The following LEKR1 variants were observed in gnomAD, a reference collection of about 807,000 sequenced individuals.
LEKR1 encodes protein LEKR1.
LEKR1 carries 59 observed loss-of-function variants against 72.4 expected under a neutral mutation model. That is an observed-to-expected ratio of 0.82 (90% CI 0.66 to 1.01). The LOEUF is 1.01. Among genes scored for constraint, LEKR1 ranks in the 50% least tolerant of loss-of-function variants. LEKR1 has a pLI of 0.00. For missense variants in LEKR1, 728 were observed against 759.2 expected (o/e 0.96, Z 0.48); for synonymous variants, 257 against 263.2 (o/e 0.98, Z 0.23).
At chr3:156,840,775 C>T (rs1441922606) in intron 2 of LEKR1, among the ~76,000 whole-genome samples, 1 of 152,194 alleles carries the variant, frequency 6.6e-6, no homozygotes, top group Admixed American at 6.5e-5. Flanking sequence ...TAAATCATTA[C>T]ATTCAATTAT....
intron 12 of LEKR1, among the ~76,000 whole-genome samples, chr3:157,028,843 T>C (rs1734396612): frequency 6.6e-6 from 1 of 152,236 alleles, no homozygotes; most frequent in African/African-American, 2.4e-5. Flanking sequence ...CCTATCAATG[T>C]AAACTTATAA....
rs139966772 is a variant in LEKR1, at chr3:156,861,765, A to G, written c.263+8783A>G. 4.7e-3 allele frequency among the ~76,000 whole-genome samples: 720 copies of G among 152,180 alleles called. 11 individuals are homozygous for G. Among genetic ancestry groups the G allele is most frequent in the Non-Finnish European group, 2.4e-3 (166 of 67,968 alleles). ...AGATGTGTAAGTATGAATTTATTAC[A>G]TTGATGTTTGTGCTATGCATTACTT... On this transcript the variant is annotated intron_variant, in intron 3 of 12. Transcript: ENST00000356539.
At chr3:156,836,225 A>G (rs9855517) in intron 2 of LEKR1, among the ~76,000 whole-genome samples, 4,413 of 152,152 alleles carry the variant, frequency 0.029, 223 homozygotes, top group African/African-American at 0.1. Flanking sequence ...GGATAATGTA[A>G]TGCAAAACAG....
At position 156,879,392 on chromosome 3, in the gene LEKR1, A is replaced by C. The variant is rs543241203; in HGVS notation, c.263+26410A>C. The stretch of plus-strand genomic sequence containing the variant: ...TTTGAACTTCAGGGATATGATTTAG[A>C]GTATCTGGTGGAAGAAATTTCTAAG... On this transcript the variant is annotated intron_variant, in intron 3 of 12. Transcript: ENST00000356539. Among the ~76,000 whole-genome samples, 6 of 152,280 alleles carry C rather than the reference A, an allele frequency of 3.9e-5. No individual in the cohort carries two copies. In the East Asian group the frequency reaches 1.2e-3, roughly 29 times the overall value.
rs1219705662 is a variant in LEKR1, at chr3:156,979,290, A to G, written c.827+15A>G. Reference sequence around the variant, plus strand: ...GAAATGCTTATGTAAGATGGAGAATATTAAACAACTTATAACAGTGCTCTG... The same window carrying G: ...GAAATGCTTATGTAAGATGGAGAATGTTAAACAACTTATAACAGTGCTCTG... On this transcript the variant is annotated intron_variant, in intron 7 of 12. Coordinates refer to ENST00000356539, the MANE Select transcript of LEKR1 (RefSeq NM_001004316.3). The G allele has an allele frequency of 1.7e-6, 2 of 1,195,194 alleles. No homozygotes were observed. The highest frequency in any genetic ancestry group is 2.3e-5 in the Admixed American group (1 of 43,270). The allele number at this position is 1,195,194 out of a possible 1,614,324, so 74.0% of individuals were successfully genotyped here. A position where few individuals can be genotyped will look rare whatever the true frequency, so the allele number is the denominator to read the frequency against.
At chr3:156,941,721 A>C in intron 5 of LEKR1, among the ~76,000 whole-genome samples, 1 of 152,048 alleles carries the variant, frequency 6.6e-6, no homozygotes, top group Non-Finnish European at 1.5e-5. Flanking sequence ...TGGTTGTACA[A>C]ATTTCATAGC....
chr3:156,901,398 A>T (rs62275256), intron 3 of LEKR1, among the ~76,000 whole-genome samples: 4,840 of 151,984 alleles, frequency 0.032, 116 homozygotes, highest in Non-Finnish European at 0.048. Context: ...ATTGTTTTAC[A>T]CTCTTCATAC....
chr3:157,010,770 A>G (rs1186778555), intron 9 of LEKR1, among the ~76,000 whole-genome samples: 1 of 152,050 alleles, frequency 6.6e-6, no homozygotes, highest in Non-Finnish European at 1.5e-5. Context: ...CCTTACTTCC[A>G]TCCAGAGGAT....
chr3:156,974,244 CATAAT>C (rs1245199908), intron 6 of LEKR1, among the ~76,000 whole-genome samples: 1 of 152,104 alleles, frequency 6.6e-6, no homozygotes, highest in Non-Finnish European at 1.5e-5. Context: ...TCTCAAAAAA[CATAAT>C]ATTGACTAAA....
chr3:156,909,105 G>A (rs62275764), intron 3 of LEKR1, among the ~76,000 whole-genome samples: 4,838 of 152,140 alleles, frequency 0.032, 117 homozygotes, highest in Non-Finnish European at 0.048. Context: ...CTCGTTGCCG[G>A]CCACCATGTA....
intron 3 of LEKR1, among the ~76,000 whole-genome samples, chr3:156,909,134 C>T (rs1305579441): frequency 1.3e-5 from 2 of 152,156 alleles, no homozygotes; most frequent in Non-Finnish European, 2.9e-5. Flanking sequence ...CTTTGCTCTG[C>T]CTTCATCTTC....
intron 2 of LEKR1, among the ~76,000 whole-genome samples, chr3:156,849,505 C>T (rs1303669235): frequency 6.6e-6 from 1 of 150,674 alleles, no homozygotes; most frequent in South Asian, 2.1e-4. Context: ...TGACTTCAAA[C>T]TATACTACAA....
At chr3:156,904,272 GATTTT>G (rs1257657205) in intron 3 of LEKR1, among the ~76,000 whole-genome samples, 2 of 151,926 alleles carry the variant, frequency 1.3e-5, no homozygotes, top group Non-Finnish European at 2.9e-5. Context: ...TAAACAACAT[GATTTT>G]ATTAAGAACA....
intron 3 of LEKR1, among the ~76,000 whole-genome samples, chr3:156,871,287 C>T (rs1717912420): frequency 6.6e-6 from 1 of 152,114 alleles, no homozygotes; most frequent in Non-Finnish European, 1.5e-5. Flanking sequence ...GACATGAACT[C>T]ATCATTTTTT....
At chr3:156,883,029 C>T (rs1359592020) in intron 3 of LEKR1, among the ~76,000 whole-genome samples, 1 of 152,038 alleles carries the variant, frequency 6.6e-6, no homozygotes, top group Non-Finnish European at 1.5e-5. Flanking sequence ...GGAGAGATAG[C>T]ATTGGGATAT....
intron 3 of LEKR1, among the ~76,000 whole-genome samples, chr3:156,891,025 A>AT (rs1346660643): frequency 7.1e-6 from 1 of 140,852 alleles, no homozygotes; most frequent in Non-Finnish European, 1.5e-5. Flanking sequence ...ATGGCCGGCT[A>AT]ATTTTTTTTT....
intron 6 of LEKR1, among the ~76,000 whole-genome samples, chr3:156,952,116 T>TGGCAA (rs1727209917): frequency 6.6e-6 from 1 of 151,476 alleles, no homozygotes. Flanking sequence ...GGAATTGATG[T>TGGCAA]GGCAAGCTCT....
intron 9 of LEKR1, among the ~76,000 whole-genome samples, chr3:157,006,777 G>C (rs1249097510): frequency 6.6e-6 from 1 of 152,186 alleles, no homozygotes; most frequent in Non-Finnish European, 1.5e-5. Context: ...TATGACTTCA[G>C]AATCATATAG....
chr3:156,899,253 C>T (rs981686932), intron 3 of LEKR1, among the ~76,000 whole-genome samples: 1 of 133,392 alleles, frequency 7.5e-6, no homozygotes, highest in South Asian at 2.2e-4. Flanking sequence ...CATATATATA[C>T]ATATATATAT....
Sources: allele counts gnomAD v4.1 joint callset (sites outside exome capture counted in the v4.1 genomes callset), GRCh38; gene constraint gnomAD v4.1.1; transcripts MANE v1.5; gene names NCBI Gene and HGNC (gene_info 2026-07-23, HGNC 2026-07-21).